The following NXPE2 variants were observed in gnomAD, a reference collection of about 807,000 sequenced individuals.
NXPE2 encodes the protein neurexophilin and PC-esterase domain family member 2.
NXPE2 carries 34 observed loss-of-function variants against 34.4 expected under a neutral mutation model. The observed-to-expected ratio is 0.99, with a 90% CI of 0.75 to 1.31. The LOEUF is 1.31. Among genes scored for constraint, NXPE2 ranks in the 40% most tolerant of loss-of-function variants. The probability of loss-of-function intolerance (pLI) is 0.00; values close to 1 mark genes in which losing one functional copy is unlikely to be tolerated. For synonymous variants in NXPE2, 235 were observed against 231.3 expected (o/e 1.02, Z -0.15); for missense variants, 649 against 672.5 (o/e 0.97, Z 0.39).
chr11:114,579,475 A>G, the NXPE2 span, among the ~76,000 whole-genome samples: 2 of 152,202 alleles, frequency 1.3e-5, no homozygotes, highest in Non-Finnish European at 2.9e-5. Context: ...TCTAAGTAGC[A>G]TAGCCTAGAT....
At chr11:114,475,260 T>C in the NXPE2 span, among the ~76,000 whole-genome samples, 841 of 102,780 alleles carry the variant, frequency 8.2e-3, 26 homozygotes, top group African/African-American at 0.033. Context: ...TTTTTTTTTT[T>C]TGAGATGGAG....
chr11:114,810,018 G>A, the NXPE2 span, among the ~76,000 whole-genome samples: 4 of 151,278 alleles, frequency 2.6e-5, no homozygotes, highest in African/African-American at 4.9e-5. Context: ...ACAGAACAGA[G>A]CCCTCAGAAA....
At chr11:114,744,149 G>A in the NXPE2 span, among the ~76,000 whole-genome samples, 1 of 151,958 alleles carries the variant, frequency 6.6e-6, no homozygotes, top group Non-Finnish European at 1.5e-5. Context: ...GTGGTCTTTG[G>A]TATTCACTTT....
chr11:114,623,043 GATA>G, the NXPE2 span, among the ~76,000 whole-genome samples: 11 of 152,284 alleles, frequency 7.2e-5, no homozygotes, highest in African/African-American at 1.9e-4. Context: ...TTACCCGGTG[GATA>G]ATAAGTGTTG....
chr11:114,638,967 G>T, the NXPE2 span, among the ~76,000 whole-genome samples: 1 of 152,056 alleles, frequency 6.6e-6, no homozygotes, highest in Non-Finnish European at 1.5e-5. Context: ...CTCCAGCTGT[G>T]AGCTGGGAGA....
the NXPE2 span, among the ~76,000 whole-genome samples, chr11:114,567,476 G>A: frequency 1.3e-5 from 2 of 151,766 alleles, no homozygotes; most frequent in East Asian, 1.9e-4. Flanking sequence ...AAGGCTGAAC[G>A]GCAGCCTTGG....
intron 2 of NXPE2, among the ~76,000 whole-genome samples, chr11:114,696,457 G>C (rs1326102389): frequency 6.6e-6 from 1 of 151,712 alleles, no homozygotes; most frequent in African/African-American, 2.4e-5. Flanking sequence ...GATATACCAT[G>C]CAAATCCTAA....
At chr11:114,506,516 A>T in the NXPE2 span, among the ~76,000 whole-genome samples, 1 of 152,230 alleles carries the variant, frequency 6.6e-6, no homozygotes, top group Non-Finnish European at 1.5e-5. Flanking sequence ...AAAGAACTGA[A>T]ATCATGAAAG....
Position 114,705,764 on chromosome 11 carries a change from G to T in NXPE2, c.929-17G>T. ...GTGGTAATAAAAATTACTTAATCTGGAAATTTGTATTGCCAGAGAGCGAGA... is the reference window on the plus strand; with the variant it reads ...GTGGTAATAAAAATTACTTAATCTGTAAATTTGTATTGCCAGAGAGCGAGA... On this transcript the variant is annotated splice_polypyrimidine_tract_variant and intron_variant, in intron 4 of 5. Coordinates refer to ENST00000389586, the MANE Select transcript of NXPE2 (RefSeq NM_182495.6). 7.3e-7 allele frequency: 1 copy of T among 1,373,960 alleles called. No individual in the cohort carries two copies. The highest frequency in any genetic ancestry group is 9.5e-7 in the Non-Finnish European group (1 of 1,047,416). The allele number at this position is 1,373,960 out of a possible 1,614,324, so 85.1% of individuals were successfully genotyped here.
At chr11:114,697,936 T>A in intron 2 of NXPE2, 109 bp from the exon 3 acceptor site, 1 of 1,075,080 alleles carries the variant, frequency 9.3e-7, no homozygotes, top group Non-Finnish European at 1.3e-6. Context: ...CGATTTTTGA[T>A]ATTTAATTTA....
chr11:114,511,950 T>G, the NXPE2 span, among the ~76,000 whole-genome samples: 1 of 152,238 alleles, frequency 6.6e-6, no homozygotes, highest in African/African-American at 2.4e-5. Flanking sequence ...CATGAGCCAA[T>G]TGAACCTCTT....
the NXPE2 span, among the ~76,000 whole-genome samples, chr11:114,556,298 C>T: frequency 6.6e-6 from 1 of 152,210 alleles, no homozygotes; most frequent in African/African-American, 2.4e-5. Flanking sequence ...CCTACAAACT[C>T]TGTTTCCTCC....
chr11:114,706,493 C>A lies in NXPE2; in HGVS notation c.1243C>A (p.His415Asn). The A allele has an allele frequency of 6.4e-7, 1 of 1,551,642 alleles. No homozygotes were observed. The highest frequency in any genetic ancestry group is 1.2e-5 in the South Asian group (1 of 84,026). Residue 415 changes from histidine (H) to asparagine (N), a missense_variant, in exon 6 of 6, where the codon CAT (histidine) becomes AAT (asparagine). Transcript: ENST00000389586. ...HILIQWKKHGHPFVTKKLFSV... is the reference protein window; with the variant it reads ...HILIQWKKHGNPFVTKKLFSV... ...TTTGATTCAGTGGAAAAAACATGGT[C>A]ATCCATTTGTTACCAAAAAATTATT...
the NXPE2 span, among the ~76,000 whole-genome samples, chr11:114,609,606 G>A: frequency 5.2e-4 from 78 of 151,234 alleles, no homozygotes; most frequent in African/African-American, 1.7e-3. Flanking sequence ...GTGTTGCCTC[G>A]TGGGTAGGCA....
chr11:114,495,703 C>T, the NXPE2 span, among the ~76,000 whole-genome samples: 13 of 152,138 alleles, frequency 8.5e-5, no homozygotes, highest in Non-Finnish European at 1.6e-4. Flanking sequence ...TATTCAGGGC[C>T]TAAGGGCTCT....
chr11:114,708,972 A>G (rs1859557604), downstream of NXPE2, among the ~76,000 whole-genome samples: 1 of 152,150 alleles, frequency 6.6e-6, no homozygotes, highest in Non-Finnish European at 1.5e-5. Context: ...CTCACTCTAC[A>G]ATGTGCCTTC....
chr11:114,736,112 G>A, the NXPE2 span, among the ~76,000 whole-genome samples: 1 of 152,164 alleles, frequency 6.6e-6, no homozygotes, highest in Non-Finnish European at 1.5e-5. Context: ...CAAGGCAAAT[G>A]GAGGCAGGGC....
At chr11:114,656,877 G>A in the NXPE2 span, among the ~76,000 whole-genome samples, 2 of 152,220 alleles carry the variant, frequency 1.3e-5, no homozygotes, top group South Asian at 4.1e-4. Flanking sequence ...CAGATCACAA[G>A]GTCAGGGGAT....
the NXPE2 span, chr11:114,551,202 G>T: frequency 6.6e-7 from 1 of 1,522,240 alleles, no homozygotes; most frequent in Non-Finnish European, 8.8e-7. Flanking sequence ...TTGAGGACAT[G>T]ACGAATGTCC....
Sources: gnomAD v4.1 joint callset for allele counts (sites outside exome capture counted in the v4.1 genomes callset) on GRCh38, gnomAD v4.1.1 for gene constraint, MANE v1.5 for transcripts, NCBI Gene and HGNC (gene_info 2026-07-23, HGNC 2026-07-21) for gene names.